The following AK9 variants were observed in gnomAD, a reference collection of about 807,000 sequenced individuals.
AK9 encodes adenylate kinase domain containing 1.
AK9 carries 191 observed loss-of-function variants against 239.6 expected under a neutral mutation model. The ratio of observed to expected loss-of-function variants is 0.80; its 90% CI spans 0.71 to 0.90. AK9 has a LOEUF of 0.90. Among genes scored for constraint, AK9 ranks in the 40% least tolerant of loss-of-function variants. AK9 has a pLI of 0.00. For synonymous variants in AK9, 689 were observed against 721.0 expected (o/e 0.96, Z 0.71); for missense variants, 1,995 against 2,214.7 (o/e 0.90, Z 1.99).
At chr6:109,603,916 T>C (rs1792465729) in intron 17 of AK9, among the ~76,000 whole-genome samples, 1 of 152,192 alleles carries the variant, frequency 6.6e-6, no homozygotes, top group African/African-American at 2.4e-5. Flanking sequence ...CTAAGACCAT[T>C]GGAAAAGCGC....
At chr6:109,681,080 C>T (rs937661343) in intron 1 of AK9, among the ~76,000 whole-genome samples, 2 of 152,304 alleles carry the variant, frequency 1.3e-5, no homozygotes, top group Middle Eastern at 6.8e-3. Context: ...GTGACAGGAT[C>T]AAATTCACAC....
rs1354690845 is a variant in AK9, at chr6:109,498,885, A to T, written c.5046+159T>A. On this transcript the variant is annotated intron_variant, in intron 36 of 40. Transcript: ENST00000424296. The stretch of plus-strand genomic sequence containing the variant: ...ATTATATCCTGGGATGCAGTTTTGG[A>T]ACTCACTGCTGAGTTGCTTCACTGG... Among the ~76,000 whole-genome samples, 5 of 152,376 alleles carry T rather than the reference A, an allele frequency of 3.3e-5. No individual in the cohort carries two copies. In the East Asian group the frequency reaches 7.7e-4, roughly 23 times the overall value.
intron 17 of AK9, among the ~76,000 whole-genome samples, chr6:109,600,392 G>A (rs1351260316): frequency 3.9e-5 from 6 of 152,108 alleles, no homozygotes; most frequent in African/African-American, 1.2e-4. Flanking sequence ...ATTGATTTGC[G>A]TATATTGAAC....
At chr6:109,521,780 A>C (rs911592261) in intron 29 of AK9, among the ~76,000 whole-genome samples, 3 of 152,048 alleles carry the variant, frequency 2.0e-5, no homozygotes, top group African/African-American at 7.2e-5. Flanking sequence ...TATCAAGACC[A>C]AGCATCATTT....
At chr6:109,609,606 A>G (rs890333387) in intron 17 of AK9, among the ~76,000 whole-genome samples, 1 of 152,230 alleles carries the variant, frequency 6.6e-6, no homozygotes, top group South Asian at 2.1e-4. Context: ...TGAGAACCCG[A>G]GAGTCAGAGA....
At chr6:109,677,007 C>A (rs1451115134) in intron 1 of AK9, among the ~76,000 whole-genome samples, 7 of 152,184 alleles carry the variant, frequency 4.6e-5, no homozygotes, top group African/African-American at 1.7e-4. Context: ...GCAAATACTA[C>A]ATGTTCTCAC....
intron 24 of AK9, among the ~76,000 whole-genome samples, chr6:109,554,536 T>A (rs1379623758): frequency 7.3e-6 from 1 of 137,532 alleles, no homozygotes; most frequent in Non-Finnish European, 1.5e-5. Context: ...TTTTTTTTTT[T>A]TTTTTTTTTT....
In AK9 at chr6:109,551,097, A is replaced by G. The variant is rs1432801161; in HGVS notation, c.2752-795T>C. Among the ~76,000 whole-genome samples the G allele has an allele frequency of 2.6e-5, 4 of 152,256 alleles. No homozygotes were observed. In the East Asian group the frequency reaches 7.7e-4, roughly 29 times the overall value. ...ATAGTATTTTTAAAAATACAAAGGG[A>G]ATACTTTACATACTTATTTACATCA... is the stretch of plus-strand genomic sequence containing the variant. On this transcript the variant is annotated intron_variant, in intron 24 of 40. Coordinates refer to ENST00000424296, the MANE Select transcript of AK9 (RefSeq NM_001145128.3).
rs1776783753 is a variant in AK9, at chr6:109,494,004, A to G, written c.5510T>C (p.Leu1837Pro). The G allele has an allele frequency of 6.8e-6, 11 of 1,612,546 alleles. No individual in the cohort carries two copies. Among genetic ancestry groups the G allele is most frequent in the Non-Finnish European group, 9.3e-6 (11 of 1,178,678 alleles). The change falls in exon 40 of 41, where the codon CTA (leucine) becomes CCA (proline). Residue 1837 changes from leucine to proline, a missense_variant. Physicochemically the swap from Leu to Pro is moderately conservative, Grantham distance 98. Transcript: ENST00000424296. ...ACCTTTGAGATGAAGTGCTATATAT[A>G]GCAGTGCAGATCTCCTTATACTTAA... Reference protein sequence around the residue: ...PFLSIRRSALLYIALHLKAFN... With the variant: ...PFLSIRRSALPYIALHLKAFN...
At chr6:109,517,914 A>G (rs9480969) in intron 29 of AK9, among the ~76,000 whole-genome samples, 13,537 of 151,934 alleles carry the variant, frequency 0.089, 1,003 homozygotes, top group African/African-American at 0.2. Context: ...TCAGTTGGAG[A>G]ACTGCCCTCC....
intron 17 of AK9, among the ~76,000 whole-genome samples, chr6:109,605,179 T>C (rs1792672132): frequency 6.6e-6 from 1 of 152,156 alleles, no homozygotes; most frequent in African/African-American, 2.4e-5. Context: ...TGGTGGCAAG[T>C]AGTCCCAGCT....
At chr6:109,572,919 C>A (rs960678243) in intron 21 of AK9, among the ~76,000 whole-genome samples, 8 of 152,110 alleles carry the variant, frequency 5.3e-5, no homozygotes, top group African/African-American at 1.9e-4. Context: ...CCCCATCCAC[C>A]AAATGAGACC....
At chr6:109,679,860 G>T (rs1050139878) in intron 1 of AK9, among the ~76,000 whole-genome samples, 1 of 152,190 alleles carries the variant, frequency 6.6e-6, no homozygotes, top group Non-Finnish European at 1.5e-5. Context: ...CTGTAGCAGA[G>T]GGACCTGACT....
chr6:109,546,103 C>A lies in AK9; in HGVS notation c.2989G>T (p.Val997Phe), dbSNP rs765415241. 9.3e-5 allele frequency: 121 copies of A among 1,306,734 alleles called. No individual in the cohort carries two copies. Among genetic ancestry groups the A allele is most frequent in the Admixed American group, 8.8e-4 (42 of 47,938 alleles). 80.9% of individuals were successfully genotyped at this position (1,306,734 alleles called of 1,614,324 possible). The change falls in exon 26 of 41, where the codon GTC becomes TTC. Residue 997 changes from valine to phenylalanine, a missense_variant. Val to Phe is a conservative substitution (Grantham distance 50). Around this residue, in one of 5 missense-constraint regions of AK9, gnomAD observed 1,290 missense variants for 1,392.7 expected, o/e 0.93. Coordinates refer to ENST00000424296, the MANE Select transcript of AK9 (RefSeq NM_001145128.3). Reference protein sequence around the residue: ...LKAPPLRICLVGPQGSGKTMC... With the variant: ...LKAPPLRICLFGPQGSGKTMC... ...GTTTTGCCAGAGCCCTGGGGGCCGA[C>A]AAGGCATATTCTTAATGGAGGAGCC...
rs541662121 is a variant in AK9, at chr6:109,527,200, C to A, written c.3633+1811G>T. Among the ~76,000 whole-genome samples, 8 of 152,144 alleles carry A rather than the reference C, an allele frequency of 5.3e-5. No individual in the cohort carries two copies. The South Asian group carries it at 1.7e-3, about 32-fold the overall frequency. ...CTGAGACTACAGGTCCACAAGATGG[C>A]GACATTTCCCTATGAAATTAATGCA... is the stretch of plus-strand genomic sequence containing the variant. On this transcript the variant is annotated intron_variant, in intron 29 of 40. Transcript: ENST00000424296.
chr6:109,572,940 G>C (rs1787613384), intron 21 of AK9, among the ~76,000 whole-genome samples: 1 of 151,926 alleles, frequency 6.6e-6, no homozygotes, highest in Admixed American at 6.6e-5. Flanking sequence ...TCTGAGGTAG[G>C]GCTTAAAGAG....
At chr6:109,548,619 A>G (rs1783913999) in intron 25 of AK9, among the ~76,000 whole-genome samples, 1 of 152,240 alleles carries the variant, frequency 6.6e-6, no homozygotes, top group Non-Finnish European at 1.5e-5. Flanking sequence ...GATGATTAAC[A>G]GCAGAAACAA....
intron 5 of AK9, among the ~76,000 whole-genome samples, chr6:109,666,912 G>A (rs1478170698): frequency 6.6e-6 from 1 of 152,154 alleles, no homozygotes; most frequent in African/African-American, 2.4e-5. Flanking sequence ...GATATACTCG[G>A]GGCAGGGAAT....
At chr6:109,657,613 A>AT (rs1434110847) in intron 7 of AK9, among the ~76,000 whole-genome samples, 1 of 151,408 alleles carries the variant, frequency 6.6e-6, no homozygotes, top group Non-Finnish European at 1.5e-5. Context: ...GGTTTGTTAC[A>AT]TATGTATACA....
Sources: gnomAD v4.1 joint callset for allele counts (sites outside exome capture counted in the v4.1 genomes callset) on GRCh38, gnomAD v4.1.1 for gene constraint, gnomAD v4.1.1 regional missense constraint, MANE v1.5 for transcripts, NCBI Gene and HGNC (gene_info 2026-07-23, HGNC 2026-07-21) for gene names.